DMD: variants seen among roughly 807,000 people sequenced by gnomAD.
DMD encodes the protein mutant dystrophin.
In DMD, 63 loss-of-function variants were observed where a neutral mutation model predicts 330.1. The ratio of observed to expected loss-of-function variants is 0.19; its 90% CI spans 0.16 to 0.24. The LOEUF is 0.24. Ranked by LOEUF, DMD falls within the 10% of genes least tolerant of loss-of-function variation. The pLI, the probability that DMD is intolerant of heterozygous loss-of-function variation, is 1.00. For synonymous variants in DMD, 1,223 were observed against 959.8 expected (o/e 1.27, Z -5.07); for missense variants, 3,344 against 2,684.1 (o/e 1.25, Z -5.43).
At chrX:33,277,812 G>GGC (rs2053259398) in intron 1 of DMD, among the ~76,000 whole-genome samples, 1 of 111,484 alleles carries the variant, frequency 9.0e-6, no homozygotes, top group Non-Finnish European at 1.9e-5. Context: ...CTTCAGAAAT[G>GGC]TTACACAAAT....
chrX:32,353,745 A>G (rs1377443018), intron 37 of DMD, among the ~76,000 whole-genome samples: 1 of 111,599 alleles, frequency 9.0e-6, no homozygotes, highest in African/African-American at 3.2e-5. Context: ...CATACAAAAT[A>G]CATATAAATT....
chrX:33,067,617 G>C (rs1206726923), intron 1 of DMD, among the ~76,000 whole-genome samples: 1 of 111,902 alleles, frequency 8.9e-6, no homozygotes, highest in Non-Finnish European at 1.9e-5. Context: ...AAGGCGGGTG[G>C]ATCACCTGAG....
chrX:32,439,067 G>T (rs2098271908), intron 28 of DMD, among the ~76,000 whole-genome samples: 1 of 111,759 alleles, frequency 8.9e-6, no homozygotes. Flanking sequence ...TGCCTGGCTA[G>T]ATAATATGAT....
At chrX:32,514,077 C>G (rs1236789903) in intron 18 of DMD, among the ~76,000 whole-genome samples, 1 of 110,277 alleles carries the variant, frequency 9.1e-6, no homozygotes, top group Non-Finnish European at 1.9e-5. Context: ...GGTTTAAAAG[C>G]TAATGATAAA....
intron 4 of DMD, among the ~76,000 whole-genome samples, chrX:32,841,586 G>C: frequency 8.9e-6 from 1 of 111,961 alleles, no homozygotes; most frequent in Non-Finnish European, 1.9e-5. Context: ...ACTTAGTACT[G>C]TGAAGCAATG....
chrX:33,285,059 C>A (rs1407336875), intron 1 of DMD, among the ~76,000 whole-genome samples: 2 of 111,040 alleles, frequency 1.8e-5, no homozygotes, highest in Non-Finnish European at 3.8e-5. Flanking sequence ...ACGTAAGGAC[C>A]TAAAACAGGA....
rs776430903 is a variant in DMD, at chrX:31,759,018, A to AC, written c.7542+14941dup. 2.7e-4 allele frequency among the ~76,000 whole-genome samples: 30 copies of AC among 112,051 alleles called. No homozygotes were observed. The East Asian group carries it at 7.5e-3, about 28-fold the overall frequency. ...TTTGCTATCCTAGTTTTACAGTTGAACAAACTGTAATAGAATAGATCCTAA... is the reference window on the plus strand; with the variant it reads ...TTTGCTATCCTAGTTTTACAGTTGAACCAAACTGTAATAGAATAGATCCTAA... On this transcript the variant is annotated intron_variant, in intron 51 of 78. Coordinates refer to ENST00000357033, the MANE Select transcript of DMD (RefSeq NM_004006.3).
chrX:32,721,154 C>T (rs765323071), intron 7 of DMD, among the ~76,000 whole-genome samples: 3 of 110,773 alleles, frequency 2.7e-5, no homozygotes, highest in Non-Finnish European at 3.8e-5. Flanking sequence ...TGAATCATAA[C>T]GCAATGAACA....
chrX:32,695,523 T>A (rs1167562014), intron 9 of DMD, among the ~76,000 whole-genome samples: 1 of 111,225 alleles, frequency 9.0e-6, no homozygotes, highest in African/African-American at 3.3e-5. Context: ...GCGAAAAAAA[T>A]TGTATTATTA....
At chrX:32,673,135 T>C (rs758774237) in intron 9 of DMD, among the ~76,000 whole-genome samples, 13 of 111,158 alleles carry the variant, frequency 1.2e-4, no homozygotes, top group Admixed American at 1.9e-4. Flanking sequence ...CATTCTAGTT[T>C]ATATGGACTT....
chrX:31,386,537 T>C (rs760943313), intron 60 of DMD, among the ~76,000 whole-genome samples: 2 of 111,995 alleles, frequency 1.8e-5, no homozygotes, highest in Non-Finnish European at 3.8e-5. Context: ...CCTTACCTCA[T>C]TTAATTTCTT....
chrX:31,585,486 C>T (rs1569552696), intron 55 of DMD, among the ~76,000 whole-genome samples: 1 of 95,066 alleles, frequency 1.1e-5, no homozygotes, highest in Non-Finnish European at 2.1e-5. Context: ...TGGCTTCTTC[C>T]TTTTTTTTTT....
chrX:31,141,237 A>AACAACAACAACAAC (rs770172375), intron 76 of DMD, among the ~76,000 whole-genome samples: 29 of 105,990 alleles, frequency 2.7e-4, no homozygotes, highest in African/African-American at 8.4e-4. Flanking sequence ...ACAACAACAA[A>AACAACAACAACAAC]ACCAGAATGA....
At chrX:32,291,115 G>A (rs1000565388) in intron 42 of DMD, among the ~76,000 whole-genome samples, 2 of 111,768 alleles carry the variant, frequency 1.8e-5, no homozygotes, top group Non-Finnish European at 3.8e-5. Context: ...ATGAAACAGA[G>A]GCTGAGGATG....
chrX:31,643,052 T>C (rs1170877544), intron 54 of DMD, among the ~76,000 whole-genome samples: 1 of 112,073 alleles, frequency 8.9e-6, no homozygotes, highest in Non-Finnish European at 1.9e-5. Context: ...ACTTCCCTGC[T>C]GTAATGACAG....
chrX:32,020,447 T>A (rs898369870), intron 44 of DMD, among the ~76,000 whole-genome samples: 4 of 112,413 alleles, frequency 3.6e-5, no homozygotes, highest in African/African-American at 9.7e-5. Flanking sequence ...TGTTGAAGTT[T>A]TAACCCCTGC....
chrX:31,330,933 T>C (rs376129718), intron 61 of DMD, among the ~76,000 whole-genome samples: 2 of 112,221 alleles, frequency 1.8e-5, no homozygotes, highest in African/African-American at 3.2e-5. Context: ...AAAATAAGGA[T>C]AGTGCTTTAT....
intron 48 of DMD, among the ~76,000 whole-genome samples, chrX:31,870,425 AT>A (rs1336354697): frequency 9.0e-6 from 1 of 111,690 alleles, no homozygotes; most frequent in Non-Finnish European, 1.9e-5. Flanking sequence ...TCTAACTTTG[AT>A]AAGTGCCAAT....
At chrX:32,832,581 T>G (rs2079240728) in intron 4 of DMD, among the ~76,000 whole-genome samples, 1 of 111,615 alleles carries the variant, frequency 9.0e-6, no homozygotes, top group African/African-American at 3.2e-5. Flanking sequence ...CTTCTCCATA[T>G]TCAAGAGAAA....
Sources: gnomAD v4.1 joint callset for allele counts (sites outside exome capture counted in the v4.1 genomes callset) on GRCh38, gnomAD v4.1.1 for gene constraint, MANE v1.5 for transcripts, NCBI Gene and HGNC (gene_info 2026-07-23, HGNC 2026-07-21) for gene names.